Variants in KIR3DL3 observed in about 807,000 individuals in gnomAD.
KIR3DL3 encodes the protein killer cell immunoglobulin like receptor, three Ig domains and long cytoplasmic tail 3.
A neutral mutation model predicts 34.9 loss-of-function variants in KIR3DL3; 27 were observed. The observed-to-expected ratio is 0.77, with a 90% CI of 0.57 to 1.07. The LOEUF (loss-of-function observed/expected upper bound fraction) is 1.07. Among genes scored for constraint, KIR3DL3 ranks in the 50% least tolerant of loss-of-function variants. The pLI, the probability that KIR3DL3 is intolerant of heterozygous loss-of-function variation, is 0.00. For synonymous variants in KIR3DL3, 217 were observed against 200.2 expected (o/e 1.08, Z -0.71); for missense variants, 681 against 528.5 (o/e 1.29, Z -2.83).
chr19:54,736,398 GC>G lies in KIR3DL3; in HGVS notation c.*305del. 2 of 465,930 alleles carry G rather than the reference GC, an allele frequency of 4.3e-6. No individual in the cohort carries two copies. The highest frequency in any genetic ancestry group is 3.7e-5 in the Admixed American group (1 of 26,960). 28.9% of individuals were successfully genotyped at this position (465,930 alleles called of 1,614,324 possible). On this transcript the variant is annotated 3_prime_UTR_variant, in exon 8 of 8. Transcript: ENST00000291860. ...CAATTCTCCATTTCACTTGACCCCTGCCCACCTCTCCAACCTAACTGGCTTA... is the reference window on the plus strand; with the variant it reads ...CAATTCTCCATTTCACTTGACCCCTGCCACCTCTCCAACCTAACTGGCTTA...
intron 5 of KIR3DL3, among the ~76,000 whole-genome samples, chr19:54,734,286 C>A (rs1445015199): frequency 6.6e-6 from 1 of 151,470 alleles, no homozygotes; most frequent in Non-Finnish European, 1.5e-5. Flanking sequence ...GGGCCTATAC[C>A]AATTCCTATC....
chr19:54,731,346 G>A (rs1305753080), intron 5 of KIR3DL3, among the ~76,000 whole-genome samples: 1 of 151,320 alleles, frequency 6.6e-6, no homozygotes, highest in Non-Finnish European at 1.5e-5. Context: ...CTTCTCCTCT[G>A]TAATGGCTGT....
chr19:54,728,893 TAGAG>T (rs1322451644), intron 4 of KIR3DL3, among the ~76,000 whole-genome samples: 4 of 148,686 alleles, frequency 2.7e-5, no homozygotes, highest in African/African-American at 7.4e-5. Context: ...TGATAGATAA[TAGAG>T]AGACAGGTGA....
intron 5 of KIR3DL3, among the ~76,000 whole-genome samples, chr19:54,732,050 A>G (rs1208843051): frequency 9.9e-5 from 15 of 151,968 alleles, no homozygotes; most frequent in Admixed American, 5.2e-4. Flanking sequence ...AGACAGGGAC[A>G]TTTTGGGGGT....
In KIR3DL3 at chr19:54,724,464, G is replaced by A. The variant is rs1174715710; in HGVS notation, c.-33G>A. On this transcript the variant is annotated 5_prime_UTR_variant, in exon 1 of 8. Coordinates refer to ENST00000291860, the MANE Select transcript of KIR3DL3 (RefSeq NM_153443.5). ...ATCCTGTGTGCTGCTGAACTGAGCT[G>A]GGGCGCAGCCGCCTGTCTGCACCGG... 4.3e-6 allele frequency: 7 copies of A among 1,612,510 alleles called. No individual in the cohort carries two copies. The highest frequency in any genetic ancestry group is 2.2e-5 in the East Asian group (1 of 44,874).
chr19:54,728,038 G>C, intron 4 of KIR3DL3, 128 bp downstream of exon 4: 1 of 925,016 alleles, frequency 1.1e-6, no homozygotes, highest in African/African-American at 1.7e-5. Flanking sequence ...GACTTGGTGA[G>C]GTCTGTACCA....
chr19:54,729,637 C>A lies in KIR3DL3; in HGVS notation c.800C>A (p.Thr267Asn). 1 of 1,603,114 alleles carries A rather than the reference C, an allele frequency of 6.2e-7. No individual in the cohort carries two copies. The highest frequency in any genetic ancestry group is 8.5e-7 in the Non-Finnish European group (1 of 1,177,452). The change falls in exon 5 of 8, where the codon ACT becomes AAT. Residue 267 changes from threonine to asparagine, a missense_variant. Thr to Asn is a moderately conservative substitution (Grantham distance 65). Coordinates refer to ENST00000291860, the MANE Select transcript of KIR3DL3 (RefSeq NM_153443.5). ...GCGGAGGCCGGTGAACTTAGGCTCA[C>A]TGCAGTGCTGAGGGTCAATGGAACA... The part of the protein sequence containing the change: ...REAEAGELRL[T>N]AVLRVNGTFQ...
intron 5 of KIR3DL3, among the ~76,000 whole-genome samples, chr19:54,733,796 C>G (rs1366175977): frequency 1.3e-5 from 2 of 152,144 alleles, no homozygotes; most frequent in Admixed American, 1.3e-4. Context: ...CCCAAATCCC[C>G]CAATTCATCT....
intron 2 of KIR3DL3, 76 bp downstream of exon 2, chr19:54,725,358 A>C: frequency 8.9e-7 from 1 of 1,129,174 alleles, no homozygotes. Flanking sequence ...GGCAGGCGAC[A>C]CAGGGGGTTG....
chr19:54,729,707 C>G lies in KIR3DL3; in HGVS notation c.870C>G (p.Asn290Lys), dbSNP rs1420152159. 6.9e-6 allele frequency: 11 copies of G among 1,597,964 alleles called. No individual in the cohort carries two copies. Among genetic ancestry groups the G allele is most frequent in the Non-Finnish European group, 8.5e-6 (10 of 1,175,324 alleles). The change falls in exon 5 of 8, where the codon AAC (asparagine) becomes AAG (lysine). Residue 290 changes from asparagine (N) to lysine (K), a missense_variant. By Grantham distance (94) the Asn-to-Lys change is moderately conservative. Coordinates refer to ENST00000291860, the MANE Select transcript of KIR3DL3 (RefSeq NM_153443.5). Reference sequence around the variant, plus strand: ...TGGGCCCTGTGACCCACGGAGGGAACTACAGATGCTTCGGCTCTTTCCGTG... The same window carrying G: ...TGGGCCCTGTGACCCACGGAGGGAAGTACAGATGCTTCGGCTCTTTCCGTG... ...FPLGPVTHGG[N>K]YRCFGSFRAL...
intron 1 of KIR3DL3, 50 bp from the exon 2 acceptor site, chr19:54,725,197 G>A (rs937703280): frequency 2.1e-6 from 3 of 1,457,432 alleles, no homozygotes; most frequent in Admixed American, 3.8e-5. Context: ...GGAGATATGG[G>A]CCTGGAGGTG....
At chr19:54,725,167 TGGA>T (rs2146738404) in intron 1 of KIR3DL3, 77 bp from the exon 2 acceptor site, 1 of 759,260 alleles carries the variant, frequency 1.3e-6, no homozygotes, top group South Asian at 2.4e-5. Flanking sequence ...GGCCTAGAGG[TGGA>T]GATATGGGCC....
At chr19:54,729,083 G>A (rs1255834633) in intron 4 of KIR3DL3, among the ~76,000 whole-genome samples, 1 of 148,576 alleles carries the variant, frequency 6.7e-6, no homozygotes, top group Non-Finnish European at 1.5e-5. Context: ...AGAGAGATAG[G>A]TCATAGATAC....
chr19:54,735,971 G>T lies in KIR3DL3; in HGVS notation c.1108G>T (p.Asp370Tyr). ...TCACTCAGCATTTCCCTCCCTCCAGGACTCTGATGAACAAGACCCTCAGGA... is the reference window on the plus strand; with the variant it reads ...TCACTCAGCATTTCCCTCCCTCCAGTACTCTGATGAACAAGACCCTCAGGA... ...PAGNRTVNRE[D>Y]SDEQDPQEVT... The change falls in exon 8 of 8, where the codon GAC becomes TAC. Residue 370 changes from aspartate (D) to tyrosine (Y), a missense_variant and splice_region_variant. Physicochemically the swap from Asp to Tyr is radical, Grantham distance 160. Coordinates refer to ENST00000291860, the MANE Select transcript of KIR3DL3 (RefSeq NM_153443.5). The T allele has an allele frequency of 6.2e-7, 1 of 1,612,534 alleles. No individual in the cohort carries two copies. Among genetic ancestry groups the T allele is most frequent in the Non-Finnish European group, 8.5e-7 (1 of 1,179,778 alleles).
rs2075037 is a variant in KIR3DL3 at position 54,727,876 on chromosome 19, G to A, written c.621G>A (p.Ser207=). Residue 207 remains serine, a synonymous_variant, in exon 4 of 8, where the codon TCG becomes TCA. Transcript: ENST00000291860. ...GSVTHLPYEL[S]APSDPLDIVV... is the part of the protein sequence containing the mutation. ...TCACTCACTTACCCTATGAGTTGTC[G>A]GCTCCCAGTGACCCTCTGGACATCG... 107,406 of 1,613,126 alleles carry A rather than the reference G, an allele frequency of 0.067. 3,868 individuals carry two copies. Among genetic ancestry groups the A allele is most frequent in the Middle Eastern group, 0.079 (481 of 6,060 alleles).
At chr19:54,725,391 G>A (rs2068059763) in intron 2 of KIR3DL3, 109 bp downstream of exon 2, 2 of 867,096 alleles carry the variant, frequency 2.3e-6, no homozygotes, top group East Asian at 2.6e-5. Context: ...ACCATGGGAA[G>A]CCATGTGGGA....
chr19:54,727,763 C>G lies in KIR3DL3; in HGVS notation c.508C>G (p.Gln170Glu). The G allele has an allele frequency of 1.9e-6, 3 of 1,613,344 alleles. No homozygotes were observed. In the South Asian group the frequency reaches 3.3e-5, roughly 18 times the overall value. ...TGAGGACCCCTTGCGCCTCGTTGGA[C>G]AGCTCCACGATGCGGGTTCCCAGGT... is the stretch of plus-strand genomic sequence containing the variant. ...ITEDPLRLVG[Q>E]LHDAGSQVNY... Residue 170 changes from glutamine to glutamate, a missense_variant, in exon 4 of 8, where the codon CAG (glutamine) becomes GAG (glutamate). Gln to Glu is a conservative substitution (Grantham distance 29). Transcript: ENST00000291860.
intron 5 of KIR3DL3, among the ~76,000 whole-genome samples, chr19:54,731,351 G>T (rs1364742271): frequency 1.0e-3 from 151 of 151,178 alleles, no homozygotes; most frequent in African/African-American, 3.4e-3. Flanking sequence ...CCTCTGTAAT[G>T]GCTGTACTAA....
chr19:54,726,839 C>T (rs1347877594), intron 3 of KIR3DL3, among the ~76,000 whole-genome samples: 1 of 128,448 alleles, frequency 7.8e-6, no homozygotes, highest in Non-Finnish European at 1.7e-5. Flanking sequence ...AGAGGAAACA[C>T]AGCCCTGCAG....
Sources: gnomAD v4.1 joint callset for allele counts (sites outside exome capture counted in the v4.1 genomes callset) on GRCh38, gnomAD v4.1.1 for gene constraint, MANE v1.5 for transcripts, NCBI Gene and HGNC (gene_info 2026-07-23, HGNC 2026-07-21) for gene names.